UNC5C: variants seen among roughly 807,000 people sequenced by gnomAD.
The protein encoded by UNC5C is unc-5 netrin receptor C, also known as netrin receptor UNC5C.
A neutral mutation model predicts 99.8 loss-of-function variants in UNC5C; 47 were observed. That is an observed-to-expected ratio of 0.47 (90% CI 0.37 to 0.60). The LOEUF (loss-of-function observed/expected upper bound fraction) is 0.60. Among genes scored for constraint, UNC5C ranks in the 20% least tolerant of loss-of-function variants. The probability of loss-of-function intolerance (pLI) is 0.00; values close to 1 mark genes in which losing one functional copy is unlikely to be tolerated. For missense variants in UNC5C, 1,062 were observed against 1,165.9 expected (o/e 0.91, Z 1.30); for synonymous variants, 487 against 452.2 (o/e 1.08, Z -0.98).
intron 1 of UNC5C, among the ~76,000 whole-genome samples, chr4:95,394,486 T>C (rs182674888): frequency 3.7e-4 from 56 of 152,244 alleles, no homozygotes; most frequent in African/African-American, 1.3e-3. Flanking sequence ...CAACAAAAAA[T>C]ATAAAGGAGT....
At chr4:95,367,459 G>T (rs138331733) in intron 1 of UNC5C, among the ~76,000 whole-genome samples, 3 of 151,894 alleles carry the variant, frequency 2.0e-5, no homozygotes, top group Non-Finnish European at 4.4e-5. Flanking sequence ...GATTACAGGC[G>T]TGAGCCACCG....
chr4:95,264,623 T>C (rs142492387), intron 4 of UNC5C, among the ~76,000 whole-genome samples: 13 of 152,290 alleles, frequency 8.5e-5, no homozygotes, highest in African/African-American at 3.1e-4. Flanking sequence ...AGACTTCTCT[T>C]TCCCTTAGTG....
At chr4:95,293,751 C>T (rs1379112437) in intron 3 of UNC5C, among the ~76,000 whole-genome samples, 1 of 152,190 alleles carries the variant, frequency 6.6e-6, no homozygotes, top group Non-Finnish European at 1.5e-5. Flanking sequence ...GCCTGACTCA[C>T]TGCTCCATAT....
At chr4:95,267,949 A>ATTTTTT (rs869293955) in intron 4 of UNC5C, among the ~76,000 whole-genome samples, 1,868 of 117,500 alleles carry the variant, frequency 0.016, 162 homozygotes, top group African/African-American at 0.045. Context: ...GAATTTTGTG[A>ATTTTTT]TTTTTTTTTT....
rs1425137759 is a variant in UNC5C, at chr4:95,242,503, G to A, written c.1034C>T (p.Pro345Leu). ...GTCGCAGTCCTTGCCTCCATTCTTG[G>A]GGGCTGGCGCCGTGCACTCCCTCCT... ...WRRRECTAPA[P>L]KNGGKDCDGL... The change falls in exon 7 of 16, where the codon CCC (proline) becomes CTC (leucine). Residue 345 changes from proline to leucine, a missense_variant. By Grantham distance (98) the Pro-to-Leu change is moderately conservative. Transcript: ENST00000453304. 1 of 1,613,766 alleles carries A rather than the reference G, an allele frequency of 6.2e-7. No homozygotes were observed. The highest frequency in any genetic ancestry group is 1.1e-5 in the South Asian group (1 of 90,950).
intron 1 of UNC5C, among the ~76,000 whole-genome samples, chr4:95,480,682 T>G (rs539711421): frequency 3.3e-5 from 5 of 152,170 alleles, no homozygotes; most frequent in Middle Eastern, 3.4e-3. Flanking sequence ...GCTTCATCCC[T>G]GGGATGCAAG....
chr4:95,327,711 C>T (rs977090389), intron 2 of UNC5C, among the ~76,000 whole-genome samples: 3 of 152,206 alleles, frequency 2.0e-5, no homozygotes, highest in East Asian at 3.9e-4. Context: ...GACTGCATGA[C>T]TTTGGAGAGG....
At chr4:95,295,969 C>T (rs1195403856) in intron 3 of UNC5C, among the ~76,000 whole-genome samples, 1 of 152,022 alleles carries the variant, frequency 6.6e-6, no homozygotes, top group African/African-American at 2.4e-5. Flanking sequence ...GCCAGTAATC[C>T]CAGCTACATG....
rs1227183775 is a variant in UNC5C at position 95,184,099 on chromosome 4, C to CAAAG, written c.2286+944_2286+947dup. ...CTGCAACACAGAGGAAAGAAGAAAG[C>CAAAG]AAAGAAAGAGGTATACTGAGTAAGT... On this transcript the variant is annotated intron_variant, in intron 13 of 15. Coordinates refer to ENST00000453304, the MANE Select transcript of UNC5C (RefSeq NM_003728.4). Among the ~76,000 whole-genome samples the CAAAG allele has an allele frequency of 2.0e-5, 3 of 152,068 alleles. No individual in the cohort carries two copies. In the South Asian group the frequency reaches 6.2e-4, roughly 31 times the overall value.
chr4:95,542,926 A>G (rs1424202379), intron 1 of UNC5C, among the ~76,000 whole-genome samples: 1 of 152,134 alleles, frequency 6.6e-6, no homozygotes, highest in African/African-American at 2.4e-5. Context: ...AAGAGAAACT[A>G]TAAATTATCC....
At position 95,422,734 on chromosome 4, in the gene UNC5C, C is replaced by T. The variant is rs958784578; in HGVS notation, c.125-87103G>A. On this transcript the variant is annotated intron_variant, in intron 1 of 15. Transcript: ENST00000453304. ...TCTACAGAGAATGGAGTTTGCTTTA[C>T]GGTGTGCATGTTAATACGCTATTCT... Among the ~76,000 whole-genome samples the T allele has an allele frequency of 3.0e-4, 46 of 152,144 alleles. 4 individuals carry two copies. The highest frequency in any genetic ancestry group is 2.9e-5 in the Non-Finnish European group (2 of 68,036).
intron 1 of UNC5C, among the ~76,000 whole-genome samples, chr4:95,482,968 C>A (rs964198573): frequency 2.8e-5 from 4 of 140,782 alleles, no homozygotes; most frequent in Non-Finnish European, 4.6e-5. Flanking sequence ...ATGTAACTAA[C>A]CTGCACATTG....
At chr4:95,188,664 A>G (rs998229367) in intron 12 of UNC5C, among the ~76,000 whole-genome samples, 7 of 152,226 alleles carry the variant, frequency 4.6e-5, no homozygotes, top group African/African-American at 1.7e-4. Flanking sequence ...TTGGTTATTT[A>G]TATGATACAG....
intron 1 of UNC5C, among the ~76,000 whole-genome samples, chr4:95,492,189 T>A (rs1293660129): frequency 2.0e-5 from 3 of 151,482 alleles, no homozygotes; most frequent in Non-Finnish European, 4.4e-5. Context: ...GAATTATAGG[T>A]TTATTTTATG....
intron 1 of UNC5C, among the ~76,000 whole-genome samples, chr4:95,354,541 G>A (rs1744109965): frequency 6.8e-6 from 1 of 147,224 alleles, no homozygotes; most frequent in African/African-American, 2.6e-5. Flanking sequence ...GTGCAGTGGT[G>A]CAATAATGGC....
intron 7 of UNC5C, among the ~76,000 whole-genome samples, chr4:95,226,796 G>A (rs1738707564): frequency 6.6e-6 from 1 of 152,114 alleles, no homozygotes; most frequent in African/African-American, 2.4e-5. Context: ...TTCTCAAGAG[G>A]GTGTTTGGAA....
intron 12 of UNC5C, among the ~76,000 whole-genome samples, chr4:95,193,983 C>G (rs1298534644): frequency 6.6e-6 from 1 of 152,172 alleles, no homozygotes; most frequent in African/African-American, 2.4e-5. Flanking sequence ...TACTTCTTCC[C>G]TAATAATAAC....
At chr4:95,322,505 C>T (rs2149413708) in intron 2 of UNC5C, among the ~76,000 whole-genome samples, 1 of 152,208 alleles carries the variant, frequency 6.6e-6, no homozygotes, top group East Asian at 1.9e-4. Context: ...TATACCATAC[C>T]ATTCCAATCT....
chr4:95,170,103 C>T (rs749680197), intron 15 of UNC5C, 51 bp downstream of exon 15: 31 of 1,592,952 alleles, frequency 1.9e-5, no homozygotes, highest in Non-Finnish European at 2.7e-5. Context: ...GTTATCGGTC[C>T]TGGAGGGCAC....
Sources: gnomAD v4.1 joint callset for allele counts (sites outside exome capture counted in the v4.1 genomes callset) on GRCh38, gnomAD v4.1.1 for gene constraint, MANE v1.5 for transcripts, NCBI Gene and HGNC (gene_info 2026-07-23, HGNC 2026-07-21) for gene names.